C14orf39: variants seen among roughly 807,000 people sequenced by gnomAD.
C14orf39 encodes the protein protein SIX6OS1.
A neutral mutation model predicts 85.6 loss-of-function variants in C14orf39; 66 were observed. The observed-to-expected ratio is 0.77, with a 90% confidence interval of 0.63 to 0.95. C14orf39 has a LOEUF of 0.95. C14orf39 is among the 40% of genes least tolerant of loss of function. The pLI is 0.00. For synonymous variants in C14orf39, 242 were observed against 214.0 expected (o/e 1.13, Z -1.14); for missense variants, 735 against 663.9 (o/e 1.11, Z -1.18).
chr14:60,456,604 T>G (rs1891291612), intron 15 of C14orf39, among the ~76,000 whole-genome samples: 1 of 152,032 alleles, frequency 6.6e-6, no homozygotes, highest in African/African-American at 2.4e-5. Flanking sequence ...ATCTCAAATC[T>G]ACACACTATT....
chr14:60,474,967 G>A (rs1190701612), intron 5 of C14orf39, among the ~76,000 whole-genome samples: 7 of 152,194 alleles, frequency 4.6e-5, no homozygotes, highest in Non-Finnish European at 1.0e-4. Flanking sequence ...AAGAGTTTCA[G>A]AAGGAATGGT....
At chr14:60,470,132 C>T (rs181250428) in intron 7 of C14orf39, among the ~76,000 whole-genome samples, 4 of 151,830 alleles carry the variant, frequency 2.6e-5, no homozygotes, top group Admixed American at 1.3e-4. Flanking sequence ...CCTTTTCTTG[C>T]TCTGTAAGGC....
At chr14:60,465,665 T>C (rs1336823701) in intron 11 of C14orf39, among the ~76,000 whole-genome samples, 2 of 152,104 alleles carry the variant, frequency 1.3e-5, no homozygotes, top group African/African-American at 4.8e-5. Flanking sequence ...TCCTGCTATT[T>C]TCCTTCAGGG....
chr14:60,511,194 G>C (rs757206532), intron 1 of C14orf39: 3 of 1,613,110 alleles, frequency 1.9e-6, no homozygotes, highest in Non-Finnish European at 2.5e-6. Flanking sequence ...AGTCTATCCA[G>C]CAAGGCGGCC....
At chr14:60,512,237 A>G (rs1197026512) in intron 1 of C14orf39, 3 of 152,172 alleles carry the variant, frequency 2.0e-5, no homozygotes, top group Non-Finnish European at 4.4e-5. Flanking sequence ...TATGGGACTC[A>G]ATAAGTGAGT....
chr14:60,461,632 A>G (rs1891540797), intron 11 of C14orf39, 39 bp from the exon 12 acceptor site: 8 of 1,366,836 alleles, frequency 5.9e-6, no homozygotes, highest in Non-Finnish European at 5.9e-6. Flanking sequence ...TGGCTACACA[A>G]AGCAATAAAA....
chr14:60,509,866 C>G (rs1243388385), intron 1 of C14orf39: 2 of 1,613,570 alleles, frequency 1.2e-6, no homozygotes, highest in Non-Finnish European at 1.7e-6. Flanking sequence ...CTAACCCCAG[C>G]AAAAAACGTG....
intron 16 of C14orf39, among the ~76,000 whole-genome samples, chr14:60,451,687 T>C (rs1595450097): frequency 1.0e-5 from 1 of 97,676 alleles, no homozygotes; most frequent in African/African-American, 4.0e-5. Context: ...GGGCCCGTCA[T>C]GGGGTAGGGG....
intron 2 of C14orf39, chr14:60,495,143 G>A (rs1248818136): frequency 4.6e-5 from 10 of 215,988 alleles, no homozygotes; most frequent in Non-Finnish European, 9.8e-5. Context: ...CATTGGAACA[G>A]TCTCTCCCGA....
chr14:60,478,410 G>A (rs1029173788), intron 4 of C14orf39, 21 bp from the exon 5 acceptor site: 2 of 1,322,798 alleles, frequency 1.5e-6, no homozygotes, highest in Admixed American at 2.2e-5. Flanking sequence ...AAATATATTT[G>A]TAATTAGCAA....
chr14:60,465,800 T>C (rs559960946), intron 11 of C14orf39, among the ~76,000 whole-genome samples, 179 bp downstream of exon 11: 45 of 148,644 alleles, frequency 3.0e-4, no homozygotes, highest in African/African-American at 1.0e-3. Context: ...GAAACACCTT[T>C]AAATTTTTTA....
Position 60,437,102 on chromosome 14 carries a change from T to C in C14orf39, c.1562-55A>G, listed in dbSNP as rs1890288861. 17 of 1,200,742 alleles carry C rather than the reference T, an allele frequency of 1.4e-5. No homozygotes were observed. In the South Asian group the frequency reaches 2.5e-4, roughly 17 times the overall value. The allele number at this position is 1,200,742 out of a possible 1,614,324, so 74.4% of individuals were successfully genotyped here. On this transcript the variant is annotated intron_variant, in intron 17 of 17. Coordinates refer to ENST00000321731, the MANE Select transcript of C14orf39 (RefSeq NM_174978.3). ...CTCTTCATATTATATAAAATTTTTATAACCTACTGAATTATAGCATACTGC... is the reference window on the plus strand; with the variant it reads ...CTCTTCATATTATATAAAATTTTTACAACCTACTGAATTATAGCATACTGC...
At chr14:60,470,567 C>T (rs908316503) in intron 7 of C14orf39, among the ~76,000 whole-genome samples, 2 of 151,962 alleles carry the variant, frequency 1.3e-5, no homozygotes, top group Non-Finnish European at 2.9e-5. Flanking sequence ...TCCCATTCCA[C>T]ATCCAACTCC....
intron 1 of C14orf39, among the ~76,000 whole-genome samples, chr14:60,505,175 C>T (rs1893187189): frequency 6.6e-6 from 1 of 152,076 alleles, no homozygotes; most frequent in Admixed American, 6.6e-5. Flanking sequence ...AATTAAAGAG[C>T]CTTCTCTGTT....
intron 1 of C14orf39, chr14:60,511,319 G>C: frequency 7.1e-6 from 11 of 1,539,176 alleles, no homozygotes; most frequent in South Asian, 1.1e-5. Flanking sequence ...ATGAAAGAGG[G>C]GAAGAAGATG....
intron 5 of C14orf39, among the ~76,000 whole-genome samples, chr14:60,472,342 T>A (rs1312107795): frequency 6.6e-6 from 1 of 152,094 alleles, no homozygotes. Context: ...TGGATGGTCA[T>A]CTATTTAGGC....
intron 4 of C14orf39, among the ~76,000 whole-genome samples, chr14:60,481,102 T>A (rs1892617208): frequency 6.6e-6 from 1 of 152,210 alleles, no homozygotes; most frequent in African/African-American, 2.4e-5. Context: ...AAAAATGAGC[T>A]TTTTAATATT....
intron 5 of C14orf39, among the ~76,000 whole-genome samples, chr14:60,477,945 C>T (rs1041629620): frequency 1.3e-4 from 20 of 151,940 alleles, no homozygotes; most frequent in Middle Eastern, 3.4e-3. Flanking sequence ...TTTGGAAGGC[C>T]GAGGCGGGCA....
At chr14:60,509,338 G>T in intron 1 of C14orf39, 1 of 1,416,600 alleles carries the variant, frequency 7.1e-7, no homozygotes, top group South Asian at 1.1e-5. Flanking sequence ...CCAGGCCCGC[G>T]GGCATCTGCT....
Sources: allele counts gnomAD v4.1 joint callset (sites outside exome capture counted in the v4.1 genomes callset), GRCh38; gene constraint gnomAD v4.1.1; transcripts MANE v1.5; gene names NCBI Gene and HGNC (gene_info 2026-07-23, HGNC 2026-07-21).